The following PLXNA4 variants were observed in gnomAD, a reference collection of about 807,000 sequenced individuals.
The protein encoded by PLXNA4 is plexin-A4.
PLXNA4 carries 44 observed loss-of-function variants against 191.8 expected under a neutral mutation model. That is an observed-to-expected ratio of 0.23 (90% CI 0.18 to 0.29). The LOEUF (loss-of-function observed/expected upper bound fraction) is 0.29, where lower values mean the gene tolerates loss of function less well. PLXNA4 is among the 10% of genes least tolerant of loss of function. PLXNA4 has a pLI of 1.00. For missense variants in PLXNA4, 1,800 were observed against 2,488.8 expected (o/e 0.72, Z 5.89); for synonymous variants, 1,082 against 1,009.5 (o/e 1.07, Z -1.36).
chr7:132,556,263 C>A (rs75487604), intron 1 of PLXNA4, among the ~76,000 whole-genome samples: 1 of 152,184 alleles, frequency 6.6e-6, no homozygotes, highest in South Asian at 2.1e-4. Flanking sequence ...TGCTGCATGC[C>A]CCTCGTGCCC....
At position 132,318,698 on chromosome 7, in the gene PLXNA4, C is replaced by G. The variant is rs570796612; in HGVS notation, c.1372-20476G>C. ...TTTTTTTTTTTTAATTCTTCTCCCC[C>G]ACTCCAATCTCATCTGTCCCCTGAA... On this transcript the variant is annotated intron_variant, in intron 3 of 31. Transcript: ENST00000321063. Among the ~76,000 whole-genome samples, 7 of 150,176 alleles carry G rather than the reference C, an allele frequency of 4.7e-5. No individual in the cohort carries two copies. The South Asian group carries it at 6.4e-4, about 14-fold the overall frequency.
intron 3 of PLXNA4, among the ~76,000 whole-genome samples, chr7:132,374,219 G>T (rs2116911675): frequency 6.6e-6 from 1 of 152,306 alleles, no homozygotes; most frequent in Middle Eastern, 3.4e-3. Flanking sequence ...AGGGGCATCT[G>T]CATTTGAAAG....
At chr7:132,307,095 T>C (rs1801552335) in intron 3 of PLXNA4, among the ~76,000 whole-genome samples, 1 of 152,100 alleles carries the variant, frequency 6.6e-6, no homozygotes. Context: ...GGGCTGCAAG[T>C]CCATCTCCCC....
chr7:132,152,277 C>T, intron 25 of PLXNA4, among the ~76,000 whole-genome samples: 1 of 152,090 alleles, frequency 6.6e-6, no homozygotes, highest in East Asian at 1.9e-4. Flanking sequence ...AATCTCATCC[C>T]CACCCCAGAA....
intron 4 of PLXNA4, among the ~76,000 whole-genome samples, chr7:132,259,306 C>A (rs920720935): frequency 6.6e-6 from 1 of 151,444 alleles, no homozygotes; most frequent in Non-Finnish European, 1.5e-5. Flanking sequence ...TGTGGTGGCA[C>A]GCACCTGTAA....
chr7:132,362,313 C>T (rs1358638846), intron 3 of PLXNA4, among the ~76,000 whole-genome samples: 1 of 152,188 alleles, frequency 6.6e-6, no homozygotes, highest in Non-Finnish European at 1.5e-5. Flanking sequence ...CTTGAGATAG[C>T]AATATTCAAA....
chr7:132,158,096 G>A (rs940631621), intron 25 of PLXNA4, among the ~76,000 whole-genome samples: 11 of 152,172 alleles, frequency 7.2e-5, no homozygotes, highest in African/African-American at 2.4e-5. Flanking sequence ...CATGCTCACC[G>A]AATCTCCCTC....
intron 2 of PLXNA4, among the ~76,000 whole-genome samples, chr7:132,490,863 C>T (rs535376462): frequency 6.6e-6 from 1 of 152,284 alleles, no homozygotes; most frequent in South Asian, 2.1e-4. Context: ...AGCTTTGGGG[C>T]CAGTTCCCCC....
intron 2 of PLXNA4, among the ~76,000 whole-genome samples, chr7:132,492,685 C>G (rs275836): frequency 0.86 from 130,980 of 152,054 alleles, 57,603 homozygotes; most frequent in Non-Finnish European, 0.95. Context: ...AAGATTGAAA[C>G]AGTGGAAAAA....
chr7:132,258,900 T>A (rs1185943791), intron 4 of PLXNA4, among the ~76,000 whole-genome samples: 5 of 152,220 alleles, frequency 3.3e-5, no homozygotes, highest in African/African-American at 1.2e-4. Flanking sequence ...ACATCCAATT[T>A]GAAGAAAAAT....
At chr7:132,578,524 T>C (rs1416469449), upstream of PLXNA4, among the ~76,000 whole-genome samples, 1 of 152,146 alleles carries the variant, frequency 6.6e-6, no homozygotes. Flanking sequence ...CCTATAGGGG[T>C]TATATTCTCA....
At chr7:132,172,219 G>C (rs1796308189) in intron 21 of PLXNA4, among the ~76,000 whole-genome samples, 1 of 152,240 alleles carries the variant, frequency 6.6e-6, no homozygotes, top group Non-Finnish European at 1.5e-5. Context: ...AAGTCTGTGA[G>C]TATAAAACTG....
At chr7:132,486,802 G>T (rs547334111) in intron 3 of PLXNA4, among the ~76,000 whole-genome samples, 89 of 152,322 alleles carry the variant, frequency 5.8e-4, no homozygotes, top group African/African-American at 2.0e-3. Flanking sequence ...GTGGGGTATT[G>T]CCTGTGTCAC....
intron 1 of PLXNA4, among the ~76,000 whole-genome samples, chr7:132,531,162 A>G (rs1213558475): frequency 6.6e-6 from 1 of 152,224 alleles, no homozygotes; most frequent in Non-Finnish European, 1.5e-5. Context: ...TTAGTTACAC[A>G]ACATCATGAG....
chr7:132,274,887 T>C (rs1054641179), intron 4 of PLXNA4, among the ~76,000 whole-genome samples: 2 of 150,954 alleles, frequency 1.3e-5, no homozygotes, highest in Admixed American at 1.3e-4. Context: ...GGATTACAGG[T>C]GAGAGCTATA....
chr7:132,227,377 C>G, intron 7 of PLXNA4, 74 bp downstream of exon 7: 3 of 1,587,426 alleles, frequency 1.9e-6, no homozygotes, highest in East Asian at 2.3e-5. Flanking sequence ...TTGATCCCCC[C>G]ACATCTGTCC....
intron 3 of PLXNA4, among the ~76,000 whole-genome samples, chr7:132,439,489 C>CGT (rs1554440789): frequency 3.6e-5 from 2 of 56,158 alleles, no homozygotes; most frequent in Non-Finnish European, 1.8e-4. Context: ...CACACATATG[C>CGT]ATATATATAC....
chr7:132,633,018 G>A (rs888228004), intron 2 of PLXNA4, among the ~76,000 whole-genome samples: 22 of 152,080 alleles, frequency 1.4e-4, no homozygotes, highest in Admixed American at 7.9e-4. Flanking sequence ...CACAAGGAGC[G>A]AAAACCTGTG....
At chr7:132,182,744 AATG>A (rs1248053894) in intron 16 of PLXNA4, among the ~76,000 whole-genome samples, 2 of 152,190 alleles carry the variant, frequency 1.3e-5, no homozygotes, top group Non-Finnish European at 2.9e-5. Context: ...TGCAAATGTG[AATG>A]CAAGTGCGAA....
Sources: allele counts gnomAD v4.1 joint callset (sites outside exome capture counted in the v4.1 genomes callset), GRCh38; gene constraint gnomAD v4.1.1; transcripts MANE v1.5; gene names NCBI Gene and HGNC (gene_info 2026-07-23, HGNC 2026-07-21).